Variants in B3GAT2 observed in about 807,000 individuals in gnomAD.
The protein encoded by B3GAT2 is beta-1,3-glucuronyltransferase 2.
Under a neutral mutation model 27.8 loss-of-function variants are expected in B3GAT2, and 26 were observed. The observed-to-expected ratio is 0.93, with a 90% CI of 0.68 to 1.30. The LOEUF (loss-of-function observed/expected upper bound fraction) is 1.30, where lower values mean the gene tolerates loss of function less well. B3GAT2 is among the 50% of genes most tolerant of loss of function. The pLI, the probability that B3GAT2 is intolerant of heterozygous loss-of-function variation, is 0.00. For synonymous variants in B3GAT2, 218 were observed against 195.1 expected (o/e 1.12, Z -0.98); for missense variants, 458 against 459.0 (o/e 1.00, Z 0.02).
In B3GAT2 at chr6:70,860,406, T is replaced by G; in HGVS notation, c.*1257A>C. 6.6e-7 allele frequency: 1 copy of G among 1,520,610 alleles called. No homozygotes were observed. Among genetic ancestry groups the G allele is most frequent in the Middle Eastern group, 1.8e-4 (1 of 5,658 alleles). The allele number at this position is 1,520,610 out of a possible 1,614,324, so 94.2% of individuals were successfully genotyped here. ...GCTGAAACGCATCTAGTTCCCCTGT[T>G]TATTCATATGCATATTTTTTTTCTT... On this transcript the variant is annotated 3_prime_UTR_variant, in exon 4 of 4. Coordinates refer to ENST00000230053, the MANE Select transcript of B3GAT2 (RefSeq NM_080742.3).
chr6:70,909,826 C>T (rs2150038143), intron 1 of B3GAT2, among the ~76,000 whole-genome samples: 1 of 152,242 alleles, frequency 6.6e-6, no homozygotes, highest in South Asian at 2.1e-4. Flanking sequence ...ACATGTGTGA[C>T]TTTAAGCACC....
rs527522804 is a variant in B3GAT2, at chr6:70,956,031, G to C, written c.399C>G (p.Ala133=). The change falls in exon 1 of 4, where the codon GCC becomes GCG. Residue 133 remains alanine (A), a synonymous_variant. Transcript: ENST00000230053. Reference sequence around the variant, plus strand: ...CGTGCAGGTGAGTGCTGGGCAGCCCGGCCCGCGCCAGGAAGCGGCTCACCA... The same window carrying C: ...CGTGCAGGTGAGTGCTGGGCAGCCCCGCCCGCGCCAGGAAGCGGCTCACCA... The part of the protein sequence containing the change: ...SELVSRFLAR[A]GLPSTHLHVP... 2.6e-6 allele frequency: 4 copies of C among 1,550,598 alleles called. No homozygotes were observed. The East Asian group carries it at 9.8e-5, about 38-fold the overall frequency.
At chr6:70,916,389 T>C (rs1003762303) in intron 1 of B3GAT2, among the ~76,000 whole-genome samples, 2 of 152,242 alleles carry the variant, frequency 1.3e-5, no homozygotes, top group African/African-American at 4.8e-5. Flanking sequence ...ATACCATTTA[T>C]TTATTTCTCT....
chr6:70,947,300 A>T (rs369897248), intron 1 of B3GAT2, among the ~76,000 whole-genome samples: 4 of 151,600 alleles, frequency 2.6e-5, no homozygotes, highest in African/African-American at 7.3e-5. Flanking sequence ...GGAGCTGGTT[A>T]TTTGAAAGGA....
At chr6:70,927,521 C>T (rs1425087115) in intron 1 of B3GAT2, among the ~76,000 whole-genome samples, 2 of 152,146 alleles carry the variant, frequency 1.3e-5, no homozygotes, top group Admixed American at 6.6e-5. Context: ...CCGGGGGTTG[C>T]TATCCTAGTC....
chr6:70,888,919 A>C (rs1223950127), intron 2 of B3GAT2, among the ~76,000 whole-genome samples: 1 of 152,092 alleles, frequency 6.6e-6, no homozygotes, highest in Admixed American at 6.5e-5. Flanking sequence ...TTTCTCTTTA[A>C]ATGTAACCCC....
intron 1 of B3GAT2, among the ~76,000 whole-genome samples, chr6:70,940,455 G>A (rs545216445): frequency 1.3e-5 from 2 of 151,954 alleles, no homozygotes; most frequent in African/African-American, 2.4e-5. Flanking sequence ...CCCAGCCCAG[G>A]AAATGACCTT....
At chr6:70,944,724 C>T (rs973285711) in intron 1 of B3GAT2, among the ~76,000 whole-genome samples, 3 of 152,170 alleles carry the variant, frequency 2.0e-5, no homozygotes, top group Admixed American at 6.5e-5. Flanking sequence ...AGCAGTGGTT[C>T]TCCCAGCACG....
rs111635039 is a variant in B3GAT2, at chr6:70,932,590, T to G, written c.591+23249A>C. Among the ~76,000 whole-genome samples, 1,416 of 152,290 alleles carry G rather than the reference T, an allele frequency of 9.3e-3. 11 individuals are homozygous for G. The highest frequency in any genetic ancestry group is 0.048 in the Middle Eastern group (14 of 294). On this transcript the variant is annotated intron_variant, in intron 1 of 3. Transcript: ENST00000230053. ...ACTTATATGAGGTACCTAGTCCGAT[T>G]CATGGAAAAGAGATTAGAGGTTATC...
intron 2 of B3GAT2, among the ~76,000 whole-genome samples, chr6:70,886,470 G>A (rs1582352832): frequency 6.6e-6 from 1 of 152,328 alleles, no homozygotes; most frequent in East Asian, 1.9e-4. Flanking sequence ...GTCCTGGAAT[G>A]AATGTTTTAT....
chr6:70,950,253 C>G (rs949308667), intron 1 of B3GAT2, among the ~76,000 whole-genome samples: 1 of 147,262 alleles, frequency 6.8e-6, no homozygotes, highest in African/African-American at 2.5e-5. Flanking sequence ...GATCAACCCA[C>G]AGAACAAAGA....
At chr6:70,928,865 T>C (rs1202338319) in intron 1 of B3GAT2, among the ~76,000 whole-genome samples, 1 of 152,192 alleles carries the variant, frequency 6.6e-6, no homozygotes, top group African/African-American at 2.4e-5. Flanking sequence ...ACTGGGTATA[T>C]ACCCAAAGGA....
In B3GAT2 at chr6:70,956,160, G is replaced by T; in HGVS notation, c.270C>A (p.Ser90Arg). Residue 90 changes from serine (S) to arginine (R), a missense_variant, in exon 1 of 4, where the codon AGC becomes AGA. Coordinates refer to ENST00000230053, the MANE Select transcript of B3GAT2 (RefSeq NM_080742.3). ...PTIYAITPTYSRPVQKAELTR... is the reference protein window; with the variant it reads ...PTIYAITPTYRRPVQKAELTR... ...TCAGCTCCGCTTTCTGCACCGGGCG[G>T]CTGTAGGTGGGCGTGATGGCATAGA... 1 of 1,608,414 alleles carries T rather than the reference G, an allele frequency of 6.2e-7. No homozygotes were observed. Among genetic ancestry groups the T allele is most frequent in the Admixed American group, 1.7e-5 (1 of 59,592 alleles).
chr6:70,860,052 T>G lies in B3GAT2; in HGVS notation c.*1611A>C. The G allele has an allele frequency of 1.2e-6, 1 of 833,920 alleles. No homozygotes were observed. Among genetic ancestry groups the G allele is most frequent in the Non-Finnish European group, 1.7e-6 (1 of 574,162 alleles). 51.7% of individuals were successfully genotyped at this position (833,920 alleles called of 1,614,324 possible). On this transcript the variant is annotated 3_prime_UTR_variant, in exon 4 of 4. Transcript: ENST00000230053. ...AAGGGAACAAAGTAGCTATTTGCTT[T>G]AAGAAATATTTGTATGGTACTCTGT...
At chr6:70,877,219 G>A (rs772785196) in intron 2 of B3GAT2, among the ~76,000 whole-genome samples, 6 of 152,206 alleles carry the variant, frequency 3.9e-5, no homozygotes, top group African/African-American at 7.2e-5. Flanking sequence ...GGGCCCCACC[G>A]GGGGTGTTCA....
chr6:70,869,569 A>T (rs188595660), intron 2 of B3GAT2, among the ~76,000 whole-genome samples: 267 of 152,258 alleles, frequency 1.8e-3, no homozygotes, highest in Non-Finnish European at 2.9e-3. Flanking sequence ...ATATCTTTCC[A>T]CTTATTTAGT....
At position 70,861,699 on chromosome 6, in the gene B3GAT2, T is replaced by C. The variant is rs1771737036; in HGVS notation, c.936A>G (p.Pro312=). The C allele has an allele frequency of 6.2e-7, 1 of 1,614,146 alleles. No homozygotes were observed. The change falls in exon 4 of 4, where the codon CCA becomes CCG. Residue 312 remains proline (P), a synonymous_variant. Transcript: ENST00000230053. ...RTEKVNLANE[P]KYHLDTVKIE... ...TTTTCACTGTGTCCAGGTGGTACTTTGGCTCGTTGGCTAGATTAACCTTCT... is the reference window on the plus strand; with the variant it reads ...TTTTCACTGTGTCCAGGTGGTACTTCGGCTCGTTGGCTAGATTAACCTTCT...
At chr6:70,907,563 A>G (rs1209196793) in intron 1 of B3GAT2, among the ~76,000 whole-genome samples, 1 of 151,882 alleles carries the variant, frequency 6.6e-6, no homozygotes, top group Admixed American at 6.6e-5. Flanking sequence ...TCACAGGAAG[A>G]CTCCATGTTT....
rs535666593 is a variant in B3GAT2 at position 70,956,765 on chromosome 6, C to T, written c.-336G>A. ...GTGCGGGAAAGGCGCTGATCCCCAC[C>T]GCGCTCTTTCTGAAGAGTGGAAGCC... On this transcript the variant is annotated 5_prime_UTR_variant, in exon 1 of 4. Transcript: ENST00000230053. 15 of 1,200,172 alleles carry T rather than the reference C, an allele frequency of 1.2e-5. No individual in the cohort carries two copies. The highest frequency in any genetic ancestry group is 3.4e-4 in the Middle Eastern group (1 of 2,900). 74.3% of individuals were successfully genotyped at this position (1,200,172 alleles called of 1,614,324 possible). A position where few individuals can be genotyped will look rare whatever the true frequency, so the allele number is the denominator to read the frequency against.
Sources: gnomAD v4.1 joint callset for allele counts (sites outside exome capture counted in the v4.1 genomes callset) on GRCh38, gnomAD v4.1.1 for gene constraint, MANE v1.5 for transcripts, NCBI Gene and HGNC (gene_info 2026-07-23, HGNC 2026-07-21) for gene names.